Variants in KCNG3 observed in about 807,000 individuals in gnomAD.
KCNG3 encodes the protein voltage-gated potassium channel regulatory subunit KCNG3.
Under a neutral mutation model 29.0 loss-of-function variants are expected in KCNG3, and 15 were observed. That is an observed-to-expected ratio of 0.52 (90% CI 0.35 to 0.80). KCNG3 has a LOEUF of 0.80. Ranked by LOEUF, KCNG3 falls within the 30% of genes least tolerant of loss-of-function variation. The probability of loss-of-function intolerance (pLI) is 0.01; values close to 1 mark genes in which losing one functional copy is unlikely to be tolerated. For synonymous variants in KCNG3, 322 were observed against 248.9 expected (o/e 1.29, Z -2.76); for missense variants, 512 against 605.7 (o/e 0.85, Z 1.62).
intron 1 of KCNG3, among the ~76,000 whole-genome samples, chr2:42,455,387 C>T (rs1309656638): frequency 6.6e-6 from 1 of 152,106 alleles, no homozygotes; most frequent in East Asian, 1.9e-4. Context: ...AAGAATTGAA[C>T]GAGATTGTTC....
the KCNG3 span, among the ~76,000 whole-genome samples, chr2:42,403,494 T>C: frequency 1.3e-5 from 2 of 148,774 alleles, no homozygotes; most frequent in East Asian, 3.9e-4. Context: ...TTTTTTTTTT[T>C]TTTGAGACAG....
At chr2:42,423,976 C>A in the KCNG3 span, among the ~76,000 whole-genome samples, 1 of 152,138 alleles carries the variant, frequency 6.6e-6, no homozygotes, top group East Asian at 1.9e-4. Flanking sequence ...CAAGCTAGCT[C>A]CTGTAAAATA....
the KCNG3 span, among the ~76,000 whole-genome samples, chr2:42,422,237 C>T: frequency 1.5e-4 from 23 of 152,234 alleles, no homozygotes; most frequent in African/African-American, 5.1e-4. Context: ...GTGATTAGGA[C>T]ATGAGGGATC....
At chr2:42,411,407 CAA>C in the KCNG3 span, among the ~76,000 whole-genome samples, 18 of 152,212 alleles carry the variant, frequency 1.2e-4, no homozygotes, top group Admixed American at 1.1e-3. Context: ...CAAGCACACG[CAA>C]AGTTTTTCCA....
At position 42,471,155 on chromosome 2, in the gene KCNG3, AGTGT is replaced by A. The variant is rs565717729; in HGVS notation, c.665+21678_665+21681del. On this transcript the variant is annotated intron_variant, in intron 1 of 1. Transcript: ENST00000306078. ...CAACAGAGTGAGACTGTCTCAAAAA[AGTGT>A]GTGTGTGTGTGTGTGTGTGTGTGTG... Among the ~76,000 whole-genome samples the A allele has an allele frequency of 7.4e-4, 102 of 137,738 alleles. 1 individual carries two copies. The South Asian group carries it at 8.2e-3, about 11-fold the overall frequency. The allele number at this position is 137,738 out of a possible 152,430, so 90.4% of individuals were successfully genotyped here.
the KCNG3 span, among the ~76,000 whole-genome samples, chr2:42,422,167 T>C: frequency 6.6e-6 from 1 of 152,106 alleles, no homozygotes; most frequent in Non-Finnish European, 1.5e-5. Flanking sequence ...TCCCCCAAAG[T>C]TTATGTGTTG....
At chr2:42,440,130 CG>C (rs1200974184), downstream of KCNG3, among the ~76,000 whole-genome samples, 3 of 152,064 alleles carry the variant, frequency 2.0e-5, no homozygotes, top group Non-Finnish European at 4.4e-5. Context: ...ATATTTGGAT[CG>C]GACAAAAGGC....
At chr2:42,452,243 A>ATATACATATATATTTTT in intron 1 of KCNG3, among the ~76,000 whole-genome samples, 1 of 95,066 alleles carries the variant, frequency 1.1e-5, no homozygotes, top group Non-Finnish European at 2.1e-5. Context: ...ATATATATAT[A>ATATACATATATATTTTT]TTTTTTTTTT....
rs989619887 is a variant in KCNG3 at position 42,456,028 on chromosome 2, TA to T, written c.666-11450del. ...TATCATAATGTGTAAGAATATAAAA[TA>T]AGGAAATGTTATATGAATCCAAACT... On this transcript the variant is annotated intron_variant, in intron 1 of 1. Transcript: ENST00000306078. Among the ~76,000 whole-genome samples, 27 of 151,010 alleles carry T rather than the reference TA, an allele frequency of 1.8e-4. No homozygotes were observed. In the South Asian group the frequency reaches 1.9e-3, roughly 10 times the overall value.
the KCNG3 span, among the ~76,000 whole-genome samples, chr2:42,392,289 C>T: frequency 6.6e-6 from 1 of 150,866 alleles, no homozygotes; most frequent in Non-Finnish European, 1.5e-5. Context: ...GCCAGGTCAC[C>T]TGGTCCCTTC....
chr2:42,389,139 A>T, the KCNG3 span, among the ~76,000 whole-genome samples: 1 of 152,160 alleles, frequency 6.6e-6, no homozygotes, highest in South Asian at 2.1e-4. Context: ...GCTGGTCTCA[A>T]ACCCCTGACC....
chr2:42,418,053 GT>G, the KCNG3 span, among the ~76,000 whole-genome samples: 1 of 151,880 alleles, frequency 6.6e-6, no homozygotes, highest in Admixed American at 6.6e-5. Flanking sequence ...CATTTTAACT[GT>G]TTTTAAGTGA....
intron 1 of KCNG3, among the ~76,000 whole-genome samples, chr2:42,476,197 C>T (rs575111180): frequency 8.1e-4 from 123 of 151,956 alleles, no homozygotes; most frequent in African/African-American, 2.8e-3. Flanking sequence ...CCAGGCCGGG[C>T]GCAGTGACTC....
intron 1 of KCNG3, among the ~76,000 whole-genome samples, chr2:42,473,177 T>G (rs1272309349): frequency 6.6e-6 from 1 of 152,004 alleles, no homozygotes; most frequent in African/African-American, 2.4e-5. Flanking sequence ...ATTACAGGTG[T>G]GAGCCACCGC....
At chr2:42,482,457 G>A (rs533141893) in intron 1 of KCNG3, among the ~76,000 whole-genome samples, 3 of 152,288 alleles carry the variant, frequency 2.0e-5, no homozygotes, top group African/African-American at 7.2e-5. Flanking sequence ...AGACGCAGTG[G>A]CTCACACCTG....
At chr2:42,436,117 GA>G in the KCNG3 span, among the ~76,000 whole-genome samples, 2 of 152,186 alleles carry the variant, frequency 1.3e-5, no homozygotes, top group African/African-American at 4.8e-5. Flanking sequence ...GACACTAGGT[GA>G]AAGAAGCCAG....
intron 1 of KCNG3, among the ~76,000 whole-genome samples, chr2:42,482,537 A>G (rs1043850557): frequency 1.3e-5 from 2 of 152,216 alleles, no homozygotes; most frequent in Non-Finnish European, 2.9e-5. Flanking sequence ...AGCCTAGCCA[A>G]CACGGTGAAA....
chr2:42,491,848 T>A (rs754842296), intron 1 of KCNG3, among the ~76,000 whole-genome samples: 3 of 152,188 alleles, frequency 2.0e-5, no homozygotes, highest in Admixed American at 6.5e-5. Flanking sequence ...GGGCACAACC[T>A]TAAATTTAAA....
chr2:42,396,253 C>T, the KCNG3 span, among the ~76,000 whole-genome samples: 1 of 152,128 alleles, frequency 6.6e-6, no homozygotes, highest in African/African-American at 2.4e-5. Context: ...AAGCCAGGGA[C>T]CATCTGTATT....
Sources: gnomAD v4.1 joint callset for allele counts (sites outside exome capture counted in the v4.1 genomes callset) on GRCh38, gnomAD v4.1.1 for gene constraint, MANE v1.5 for transcripts, NCBI Gene and HGNC (gene_info 2026-07-23, HGNC 2026-07-21) for gene names.